EPSTI1: variants seen among roughly 807,000 people sequenced by gnomAD.
EPSTI1 encodes epithelial stromal interaction 1.
Under a neutral mutation model 49.9 loss-of-function variants are expected in EPSTI1, and 66 were observed. That is an observed-to-expected ratio of 1.32 (90% CI 1.08 to 1.62). The LOEUF is 1.62. Ranked by LOEUF, EPSTI1 falls within the 40% of genes most tolerant of loss-of-function variation. EPSTI1 has a pLI of 0.00. For missense variants in EPSTI1, 394 were observed against 365.5 expected (o/e 1.08, Z -0.64); for synonymous variants, 137 against 130.7 (o/e 1.05, Z -0.33).
At chr13:42,934,205 A>G (rs1241326588) in intron 6 of EPSTI1, 1 of 153,552 alleles carries the variant, frequency 6.5e-6, no homozygotes, top group Non-Finnish European at 1.5e-5. Flanking sequence ...TTCCACCCTA[A>G]CTTGTGTAAC....
chr13:42,915,187 T>C (rs10492660), intron 8 of EPSTI1, among the ~76,000 whole-genome samples: 51,890 of 152,166 alleles, frequency 0.34, 9,647 homozygotes, highest in Non-Finnish European at 0.42. Context: ...TCCTCCTGTT[T>C]TCTTAAGGTA....
intron 5 of EPSTI1, among the ~76,000 whole-genome samples, chr13:42,959,065 T>C (rs1366345893): frequency 6.6e-6 from 1 of 152,136 alleles, no homozygotes; most frequent in Non-Finnish European, 1.5e-5. Context: ...TAGGTTAGGG[T>C]ACTTTACTGA....
chr13:42,987,616 T>C (rs1315341004), intron 1 of EPSTI1, among the ~76,000 whole-genome samples: 1 of 152,114 alleles, frequency 6.6e-6, no homozygotes, highest in African/African-American at 2.4e-5. Flanking sequence ...TTAGTGTTAG[T>C]GTATTTTGTG....
chr13:42,974,456 G>A (rs1159656862), intron 1 of EPSTI1, among the ~76,000 whole-genome samples: 3 of 152,146 alleles, frequency 2.0e-5, no homozygotes, highest in South Asian at 2.1e-4. Flanking sequence ...AGGAGATTGA[G>A]ACCATCCTGG....
intron 6 of EPSTI1, among the ~76,000 whole-genome samples, chr13:42,931,911 A>G (rs2038389115): frequency 6.6e-6 from 1 of 152,212 alleles, no homozygotes; most frequent in South Asian, 2.1e-4. Context: ...TAAGATATAC[A>G]CCTAGAAGTA....
intron 9 of EPSTI1, among the ~76,000 whole-genome samples, chr13:42,895,642 T>C (rs1394735966): frequency 6.6e-6 from 1 of 152,236 alleles, no homozygotes; most frequent in African/African-American, 2.4e-5. Context: ...TGCTACCTGG[T>C]TGTTCACTTT....
chr13:42,978,021 C>T (rs1167802532), intron 1 of EPSTI1, among the ~76,000 whole-genome samples: 6 of 151,870 alleles, frequency 4.0e-5, no homozygotes, highest in South Asian at 2.1e-4. Flanking sequence ...GGTGTAGTGG[C>T]GGGCGCCTGT....
At position 42,970,634 on chromosome 13, in the gene EPSTI1, G is replaced by T. The variant is rs776858255; in HGVS notation, c.225C>A (p.Asn75Lys). ...TACTTCTTTGTATCTCATTTCTCCG[G>T]TTTATATTTGGTGCTATCAAGGTGT... is the stretch of plus-strand genomic sequence containing the variant. ...SAYTLIAPNI[N>K]RRNEIQRIAE... is the part of the protein sequence containing the mutation. Residue 75 changes from asparagine (N) to lysine (K), a missense_variant, in exon 2 of 11, where the codon AAC becomes AAA. Transcript: ENST00000313624. 1.2e-6 allele frequency: 2 copies of T among 1,610,550 alleles called. No individual in the cohort carries two copies. Among genetic ancestry groups the T allele is most frequent in the Non-Finnish European group, 1.7e-6 (2 of 1,178,982 alleles).
At chr13:42,919,435 G>T in intron 7 of EPSTI1, 1 of 1,053,974 alleles carries the variant, frequency 9.5e-7, no homozygotes, top group South Asian at 1.3e-5. Context: ...GTCTAACATT[G>T]AAATATTCAT....
chr13:42,950,093 A>G (rs529033698), intron 6 of EPSTI1, among the ~76,000 whole-genome samples: 3 of 152,240 alleles, frequency 2.0e-5, no homozygotes, highest in Non-Finnish European at 4.4e-5. Flanking sequence ...GACCAAGGCT[A>G]ACTGCCGATT....
intron 6 of EPSTI1, among the ~76,000 whole-genome samples, chr13:42,952,215 A>G (rs1200064568): frequency 6.6e-6 from 1 of 152,194 alleles, no homozygotes; most frequent in African/African-American, 2.4e-5. Context: ...CAGCAGCGGC[A>G]ACCTGTTTGG....
chr13:42,968,919 A>ATACACACACACAC (rs1555268585), intron 3 of EPSTI1, among the ~76,000 whole-genome samples, 175 bp downstream of exon 3: 25 of 54,464 alleles, frequency 4.6e-4, no homozygotes, highest in African/African-American at 1.6e-3. Flanking sequence ...AAAAAAAAAA[A>ATACACACACACAC]ATACACACAC....
At chr13:42,942,658 C>CTT (rs1161224574) in intron 6 of EPSTI1, among the ~76,000 whole-genome samples, 5 of 64,652 alleles carry the variant, frequency 7.7e-5, no homozygotes, top group African/African-American at 2.0e-4. Flanking sequence ...CCTGTTGATT[C>CTT]TTTTTTTTTT....
intron 7 of EPSTI1, chr13:42,919,300 C>A (rs1296069019): frequency 6.2e-7 from 1 of 1,613,422 alleles, no homozygotes; most frequent in Non-Finnish European, 8.5e-7. Flanking sequence ...GTTTGCTTAC[C>A]CAGCTGTGAT....
intron 6 of EPSTI1, among the ~76,000 whole-genome samples, chr13:42,953,636 C>T (rs2039169976): frequency 6.6e-6 from 1 of 152,168 alleles, no homozygotes. Context: ...GTGCAAACAC[C>T]CTATTCCTTA....
At chr13:42,931,652 CCTAAA>C (rs1343593357) in intron 6 of EPSTI1, among the ~76,000 whole-genome samples, 5 of 152,090 alleles carry the variant, frequency 3.3e-5, no homozygotes, top group Admixed American at 3.3e-4. Context: ...CTTTTCCTAC[CCTAAA>C]CTAACAGACT....
At chr13:42,980,345 T>C (rs2039965500) in intron 1 of EPSTI1, among the ~76,000 whole-genome samples, 1 of 152,192 alleles carries the variant, frequency 6.6e-6, no homozygotes, top group African/African-American at 2.4e-5. Flanking sequence ...TAGTCCATTC[T>C]CATGCTGCTA....
At chr13:42,960,934 A>T (rs530199236) in intron 5 of EPSTI1, among the ~76,000 whole-genome samples, 1 of 152,362 alleles carries the variant, frequency 6.6e-6, no homozygotes, top group South Asian at 2.1e-4. Context: ...TCAGTTGATT[A>T]GCAACCCTAA....
intron 1 of EPSTI1, among the ~76,000 whole-genome samples, chr13:42,983,842 C>T (rs918597227): frequency 5.9e-5 from 9 of 152,166 alleles, no homozygotes; most frequent in African/African-American, 2.2e-4. Context: ...AGGTCTAGCA[C>T]ATGGCTAATC....
Sources: gnomAD v4.1 joint callset for allele counts (sites outside exome capture counted in the v4.1 genomes callset) on GRCh38, gnomAD v4.1.1 for gene constraint, MANE v1.5 for transcripts, NCBI Gene and HGNC (gene_info 2026-07-23, HGNC 2026-07-21) for gene names.